The following SAP130 variants were observed in gnomAD, a reference collection of about 807,000 sequenced individuals.
SAP130 encodes histone deacetylase complex subunit SAP130.
SAP130 carries 16 observed loss-of-function variants against 103.2 expected under a neutral mutation model. The ratio of observed to expected loss-of-function variants is 0.16; its 90% CI spans 0.10 to 0.24. The LOEUF (loss-of-function observed/expected upper bound fraction) is 0.24. Ranked by LOEUF, SAP130 falls within the 10% of genes least tolerant of loss-of-function variation. The probability of loss-of-function intolerance (pLI) is 1.00; values close to 1 mark genes in which losing one functional copy is unlikely to be tolerated. For missense variants in SAP130, 990 were observed against 1,359.7 expected, an observed-to-expected ratio of 0.73 and a Z score of 4.28; for synonymous variants, 477 against 497.0, an observed-to-expected ratio of 0.96 and a Z score of 0.53.
At chr2:127,992,915 T>C (rs1223400447) in intron 12 of SAP130, among the ~76,000 whole-genome samples, 2 of 152,188 alleles carry the variant, frequency 1.3e-5, no homozygotes, top group African/African-American at 4.8e-5. Context: ...GCTCTATTCA[T>C]TGTAACTACT....
intron 15 of SAP130, among the ~76,000 whole-genome samples, chr2:127,957,504 A>G (rs925564023): frequency 4.1e-4 from 63 of 152,096 alleles, no homozygotes. Context: ...GGGAAACCCC[A>G]AAACTACAAA....
chr2:128,017,719 C>T lies in SAP130; in HGVS notation c.309G>A (p.Thr103=), dbSNP rs755535035. 11 of 1,614,214 alleles carry T rather than the reference C, an allele frequency of 6.8e-6. No individual in the cohort carries two copies. The highest frequency in any genetic ancestry group is 2.7e-5 in the African/African-American group (2 of 75,052). The change falls in exon 3 of 21, where the codon ACG becomes ACA. Residue 103 remains threonine (T), a synonymous_variant. Transcript: ENST00000643581. The stretch of plus-strand genomic sequence containing the variant: ...CCGAAAATGAAAGTGGCACTGCTGG[C>T]GTCAGGTGTGCTGGCGGGGCTGTCA... ...VAVTAPPAHL[T]PAVPLSFSEG...
intron 2 of SAP130, among the ~76,000 whole-genome samples, 180 bp from the exon 3 acceptor site, chr2:128,018,095 G>C (rs1452338067): frequency 1.3e-5 from 2 of 152,092 alleles, no homozygotes; most frequent in East Asian, 3.8e-4. Context: ...TCAGACAAAA[G>C]AGCCACAACT....
chr2:128,007,936 G>A (rs1684087831), intron 7 of SAP130, among the ~76,000 whole-genome samples: 1 of 152,124 alleles, frequency 6.6e-6, no homozygotes, highest in Non-Finnish European at 1.5e-5. Flanking sequence ...GATAAACTCA[G>A]TATCCCAAAG....
In SAP130 at chr2:127,967,240, A is replaced by G. The variant is rs370219149; in HGVS notation, c.2063+10745T>C. On this transcript the variant is annotated intron_variant, in intron 15 of 20. Transcript: ENST00000643581. Reference sequence around the variant, plus strand: ...ATGTACATTTTAACTTCTCCCTACCAGGGCAGAACTCATGTTAAGTGTTCA... The same window carrying G: ...ATGTACATTTTAACTTCTCCCTACCGGGGCAGAACTCATGTTAAGTGTTCA... Among the ~76,000 whole-genome samples the G allele has an allele frequency of 4.6e-5, 7 of 152,332 alleles. No homozygotes were observed. The South Asian group carries it at 1.4e-3, about 32-fold the overall frequency.
Position 128,005,249 on chromosome 2 carries a change from A to T in SAP130, c.870-4795T>A, listed in dbSNP as rs78297162. ...AAATTAGAAGTGGAACATGAGAGACAATGCTGAAAATGCAGTCAAGGGCGG... is the reference window on the plus strand; with the variant it reads ...AAATTAGAAGTGGAACATGAGAGACTATGCTGAAAATGCAGTCAAGGGCGG... On this transcript the variant is annotated intron_variant, in intron 7 of 20. Transcript: ENST00000643581. Among the ~76,000 whole-genome samples, 570 of 152,300 alleles carry T rather than the reference A, an allele frequency of 3.7e-3. 1 individual carries two copies. Among genetic ancestry groups the T allele is most frequent in the African/African-American group, 0.013 (539 of 41,568 alleles).
In SAP130 at chr2:127,989,012, G is replaced by A. The variant is rs1573754024; in HGVS notation, c.1780+552C>T. On this transcript the variant is annotated intron_variant, in intron 13 of 20. Transcript: ENST00000643581. This position sits in a 1 kb window ranked among gnomAD's most constrained non-coding sequence, Gnocchi z 4.6. ...TCAATGAGAATACTACTTATAAGGT[G>A]AATTTTTTCCCACAACTAGGAGCTT... 6.6e-6 allele frequency among the ~76,000 whole-genome samples: 1 copy of A among 152,006 alleles called. No individual in the cohort carries two copies. Among genetic ancestry groups the A allele is most frequent in the African/African-American group, 2.4e-5 (1 of 41,380 alleles).
intron 10 of SAP130, among the ~76,000 whole-genome samples, chr2:127,999,073 T>C (rs1683366050): frequency 6.6e-6 from 1 of 152,204 alleles, no homozygotes; most frequent in Non-Finnish European, 1.5e-5. Flanking sequence ...GTCTCTCCAA[T>C]GGCAAGTCAT....
In SAP130 at chr2:127,952,042, C is replaced by T. The variant is rs566367239; in HGVS notation, c.2423-1634G>A. Among the ~76,000 whole-genome samples, 3 of 152,360 alleles carry T rather than the reference C, an allele frequency of 2.0e-5. No individual in the cohort carries two copies. The South Asian group carries it at 6.2e-4, about 32-fold the overall frequency. ...TTCAGCTACACACAAATCCCACCCACTCTCGCCTCCTCAAACAGTGCTCCA... is the reference window on the plus strand; with the variant it reads ...TTCAGCTACACACAAATCCCACCCATTCTCGCCTCCTCAAACAGTGCTCCA... On this transcript the variant is annotated intron_variant, in intron 16 of 20. Transcript: ENST00000643581.
intron 6 of SAP130, among the ~76,000 whole-genome samples, chr2:128,011,632 ACT>A (rs1684404387): frequency 6.6e-6 from 1 of 152,014 alleles, no homozygotes; most frequent in Non-Finnish European, 1.5e-5. Flanking sequence ...TACTCCTCCG[ACT>A]CTGTTTTCTT....
chr2:127,999,988 G>A, intron 9 of SAP130, 68 bp downstream of exon 9: 1 of 1,521,346 alleles, frequency 6.6e-7, no homozygotes, highest in South Asian at 1.1e-5. Context: ...GGTGAGAAAT[G>A]AAAAATTAAC....
chr2:128,027,497 GC>G (rs1400362927), intron 1 of SAP130, among the ~76,000 whole-genome samples: 4 of 151,848 alleles, frequency 2.6e-5, no homozygotes, highest in African/African-American at 7.3e-5. Flanking sequence ...GAAGACAGGC[GC>G]CCCCGGCGAA....
intron 1 of SAP130, chr2:128,027,213 G>C (rs1171834482): frequency 2.5e-6 from 3 of 1,209,260 alleles, no homozygotes; most frequent in Non-Finnish European, 3.1e-6. Context: ...TCGCGGCGGC[G>C]GCGCCCGGGG....
chr2:127,944,946 A>C (rs1325328325), intron 19 of SAP130, among the ~76,000 whole-genome samples: 2 of 150,724 alleles, frequency 1.3e-5, no homozygotes, highest in Non-Finnish European at 3.0e-5. Context: ...AGGGAGAGGT[A>C]TGCCCCGGTC....
At position 127,996,638 on chromosome 2, in the gene SAP130, A is replaced by G; in HGVS notation, c.1214-147T>C. ...AAAATAAAAAATGAAAAATAAGTAC[A>G]AAGTTCAACAGAATTATTTCAATCC... On this transcript the variant is annotated intron_variant, in intron 10 of 20. Transcript: ENST00000643581. The surrounding 1 kb of genome is among the most constrained non-coding windows in gnomAD (Gnocchi z 4.3). 1.4e-6 allele frequency: 1 copy of G among 700,650 alleles called. No individual in the cohort carries two copies. The highest frequency in any genetic ancestry group is 2.2e-6 in the Non-Finnish European group (1 of 462,842). The allele number at this position is 700,650 out of a possible 1,614,324, so 43.4% of individuals were successfully genotyped here.
rs1683423570 is a variant in SAP130 at position 127,999,810 on chromosome 2, T to C, written c.1144A>G (p.Ile382Val). 2 of 1,536,516 alleles carry C rather than the reference T, an allele frequency of 1.3e-6. No homozygotes were observed. Among genetic ancestry groups the C allele is most frequent in the Non-Finnish European group, 1.7e-6 (2 of 1,145,414 alleles). The change falls in exon 10 of 21, where the codon ATT becomes GTT. Residue 382 changes from isoleucine (I) to valine (V), a missense_variant. Physicochemically the swap from Ile to Val is conservative, Grantham distance 29. Coordinates refer to ENST00000643581, the MANE Select transcript of SAP130 (RefSeq NM_001330301.2). ...VSHTQAPTST[I>V]VTMTVPSHSS... is the part of the protein sequence containing the mutation. ...TGGGAGGGTACTGTCATGGTAACAA[T>C]GGTACTTGTGGGAGCTTGCGTGTGT...
intron 19 of SAP130, 114 bp downstream of exon 19, chr2:127,945,340 ACC>A: frequency 1.5e-6 from 1 of 650,872 alleles, no homozygotes; most frequent in Non-Finnish European, 2.8e-6. Context: ...TTCTATCATA[ACC>A]CATGTTAGCT....
Position 128,000,312 on chromosome 2 carries a change from C to T in SAP130, c.1012G>A (p.Ala338Thr). 1 of 1,614,154 alleles carries T rather than the reference C, an allele frequency of 6.2e-7. No individual in the cohort carries two copies. Among genetic ancestry groups the T allele is most frequent in the Non-Finnish European group, 8.5e-7 (1 of 1,180,034 alleles). The change falls in exon 8 of 21, where the codon GCT (alanine) becomes ACT (threonine). Residue 338 changes from alanine to threonine, a missense_variant. Ala to Thr is a moderately conservative substitution (Grantham distance 58). This residue lies in a region of SAP130 where 336 missense variants were observed against 520.1 expected (regional missense o/e 0.65). Transcript: ENST00000643581. ...TTCTCCACTTTTGGTTTTACCTGAG[C>T]CATTGTATGAAGCTGCTGTTTTGGC... ...GTPKQQLHTM[A>T]QKTIFSTGTP...
At chr2:127,971,117 A>G (rs565855250) in intron 15 of SAP130, among the ~76,000 whole-genome samples, 1 of 151,698 alleles carries the variant, frequency 6.6e-6, no homozygotes, top group African/African-American at 2.4e-5. Flanking sequence ...CACCTGGCCA[A>G]TTTTTTTATT....
Sources: allele counts gnomAD v4.1 joint callset (sites outside exome capture counted in the v4.1 genomes callset), GRCh38; gene constraint gnomAD v4.1.1; regional missense constraint gnomAD v4.1.1; non-coding constraint Gnocchi (gnomAD v3.1); transcripts MANE v1.5; gene names NCBI Gene and HGNC (gene_info 2026-07-23, HGNC 2026-07-21).